The following L3MBTL4 variants were observed in gnomAD, a reference collection of about 807,000 sequenced individuals.
L3MBTL4 encodes the protein lethal(3)malignant brain tumor-like protein 4.
A neutral mutation model predicts 84.5 loss-of-function variants in L3MBTL4; 70 were observed. The ratio of observed to expected loss-of-function variants is 0.83; its 90% confidence interval spans 0.68 to 1.01. L3MBTL4 has a LOEUF of 1.01. Ranked by LOEUF, L3MBTL4 falls within the 50% of genes least tolerant of loss-of-function variation. The pLI is 0.00. For missense variants in L3MBTL4, 715 were observed against 754.8 expected, an observed-to-expected ratio of 0.95 and a Z score of 0.62; for synonymous variants, 274 against 259.8, an observed-to-expected ratio of 1.05 and a Z score of -0.52.
intron 10 of L3MBTL4, among the ~76,000 whole-genome samples, chr18:6,221,169 A>C (rs2046534839): frequency 6.6e-6 from 1 of 152,182 alleles, no homozygotes; most frequent in Non-Finnish European, 1.5e-5. Flanking sequence ...TTCTTTCTAA[A>C]GAATTGAGCT....
intron 16 of L3MBTL4, among the ~76,000 whole-genome samples, chr18:5,983,125 T>A (rs1287460353): frequency 1.3e-5 from 2 of 152,314 alleles, no homozygotes; most frequent in Middle Eastern, 3.4e-3. Flanking sequence ...TCTTGTAAAT[T>A]AAGGCCTTCG....
At chr18:6,395,225 T>A (rs28536767) in intron 1 of L3MBTL4, 22,673 of 152,044 alleles carry the variant, frequency 0.15, 1,737 homozygotes, top group Non-Finnish European at 0.15. Context: ...TATTTATATA[T>A]ATATATGAGA....
chr18:6,252,714 T>C (rs749708563), intron 5 of L3MBTL4, among the ~76,000 whole-genome samples: 7 of 152,246 alleles, frequency 4.6e-5, no homozygotes, highest in Non-Finnish European at 1.0e-4. Context: ...GAAAATTTTA[T>C]TTCATTCTTA....
At chr18:6,350,914 A>C (rs2143763611) in intron 1 of L3MBTL4, among the ~76,000 whole-genome samples, 1 of 152,358 alleles carries the variant, frequency 6.6e-6, no homozygotes, top group Non-Finnish European at 1.5e-5. Context: ...ATTCTAGGCC[A>C]GGCACAGTGG....
At chr18:6,092,084 T>C (rs1397976235) in intron 15 of L3MBTL4, among the ~76,000 whole-genome samples, 1 of 152,074 alleles carries the variant, frequency 6.6e-6, no homozygotes, top group Non-Finnish European at 1.5e-5. Context: ...ATAATAAAAA[T>C]GCAAGATACA....
At chr18:6,228,855 G>T (rs2046883644) in intron 10 of L3MBTL4, among the ~76,000 whole-genome samples, 1 of 152,106 alleles carries the variant, frequency 6.6e-6, no homozygotes, top group Non-Finnish European at 1.5e-5. Flanking sequence ...CTAACTTGAA[G>T]TTAGAAAGCA....
intron 1 of L3MBTL4, among the ~76,000 whole-genome samples, chr18:6,337,844 T>A (rs970811729): frequency 6.6e-6 from 1 of 151,922 alleles, no homozygotes; most frequent in African/African-American, 2.4e-5. Flanking sequence ...CATATGCTAA[T>A]AAGAGTACTA....
intron 1 of L3MBTL4, among the ~76,000 whole-genome samples, chr18:6,394,593 G>T (rs58627548): frequency 0.15 from 23,001 of 152,084 alleles, 2,172 homozygotes; most frequent in East Asian, 0.27. Context: ...CACCTGTTTT[G>T]CTTACTGATG....
At chr18:5,964,619 C>T (rs2052246916) in intron 17 of L3MBTL4, among the ~76,000 whole-genome samples, 2 of 152,088 alleles carry the variant, frequency 1.3e-5, no homozygotes, top group African/African-American at 2.4e-5. Context: ...AAAGTGACTG[C>T]CATCTTTCAA....
At chr18:6,055,805 C>A (rs1402478873) in intron 16 of L3MBTL4, among the ~76,000 whole-genome samples, 1 of 152,096 alleles carries the variant, frequency 6.6e-6, no homozygotes, top group Non-Finnish European at 1.5e-5. Context: ...GATTCTCAGA[C>A]CCCCAGGGAA....
intron 1 of L3MBTL4, among the ~76,000 whole-genome samples, chr18:6,406,820 C>T (rs182901237): frequency 2.0e-5 from 3 of 152,046 alleles, no homozygotes; most frequent in East Asian, 1.9e-4. Context: ...TGTGTAACTA[C>T]GAAAAAAAAG....
At chr18:6,315,292 A>G (rs1287283117) in intron 1 of L3MBTL4, among the ~76,000 whole-genome samples, 1 of 152,248 alleles carries the variant, frequency 6.6e-6, no homozygotes, top group African/African-American at 2.4e-5. Flanking sequence ...TTATTCATCC[A>G]GTTGATACTC....
rs150187183 is a variant in L3MBTL4 at position 6,274,213 on chromosome 18, T to C, written c.128-10175A>G. Among the ~76,000 whole-genome samples the C allele has an allele frequency of 5.2e-3, 794 of 152,338 alleles. 5 individuals are homozygous for C. The highest frequency in any genetic ancestry group is 8.4e-3 in the Non-Finnish European group (574 of 68,026). ...GCATCAGTGTCACCCAGAAAATTGC[T>C]AGAAGTAAAAATTTGGGAGCATCAG... On this transcript the variant is annotated intron_variant, in intron 4 of 18. Transcript: ENST00000317931.
At chr18:6,065,244 G>A (rs923692425) in intron 16 of L3MBTL4, among the ~76,000 whole-genome samples, 1 of 151,864 alleles carries the variant, frequency 6.6e-6, no homozygotes, top group African/African-American at 2.4e-5. Flanking sequence ...TGTGCTGTTG[G>A]ATTTGGTCAG....
At chr18:6,191,047 CTT>C (rs1388614613) in intron 12 of L3MBTL4, among the ~76,000 whole-genome samples, 1 of 152,070 alleles carries the variant, frequency 6.6e-6, no homozygotes, top group Non-Finnish European at 1.5e-5. Context: ...TGGGATTTGG[CTT>C]TTATTCTTGG....
At chr18:6,048,766 G>A (rs1467449154) in intron 16 of L3MBTL4, among the ~76,000 whole-genome samples, 1 of 145,276 alleles carries the variant, frequency 6.9e-6, no homozygotes, top group East Asian at 2.0e-4. Flanking sequence ...TCCAGCCTGG[G>A]CAACCGAGTA....
chr18:6,088,398 C>A (rs1053833166), intron 15 of L3MBTL4, among the ~76,000 whole-genome samples: 41 of 152,088 alleles, frequency 2.7e-4, no homozygotes, highest in African/African-American at 9.9e-4. Flanking sequence ...AACACAAACT[C>A]CAACTTCAAG....
intron 15 of L3MBTL4, among the ~76,000 whole-genome samples, chr18:6,088,304 G>T (rs536462572): frequency 1.3e-5 from 2 of 152,270 alleles, no homozygotes; most frequent in Non-Finnish European, 1.5e-5. Flanking sequence ...GCACCTAGTA[G>T]GTTGCTCAAA....
rs9947169 is a variant in L3MBTL4, at chr18:6,125,165, C to A, written c.1199+13029G>T. ...CTAGAAATTATTAACTAACAAAATG[C>A]GGAAGGAAGGAGGAAAGGAAGGAAG... On this transcript the variant is annotated intron_variant, in intron 14 of 18. Transcript: ENST00000317931. Among the ~76,000 whole-genome samples the A allele has an allele frequency of 3.6e-5, 5 of 140,840 alleles. No individual in the cohort carries two copies. The East Asian group carries it at 1.1e-3, about 31-fold the overall frequency. The allele number at this position is 140,840 out of a possible 152,430, so 92.4% of individuals were successfully genotyped here.
Sources: gnomAD v4.1 joint callset for allele counts (sites outside exome capture counted in the v4.1 genomes callset) on GRCh38, gnomAD v4.1.1 for gene constraint, MANE v1.5 for transcripts, NCBI Gene and HGNC (gene_info 2026-07-23, HGNC 2026-07-21) for gene names.